The following JARID2 variants were observed in gnomAD, a reference collection of about 807,000 sequenced individuals.
The protein encoded by JARID2 is jumonji and AT-rich interaction domain containing 2.
A neutral mutation model predicts 125.6 loss-of-function variants in JARID2; 21 were observed. The ratio of observed to expected loss-of-function variants is 0.17; its 90% confidence interval spans 0.12 to 0.24. The LOEUF (loss-of-function observed/expected upper bound fraction) is 0.24. Ranked by LOEUF, JARID2 falls within the 10% of genes least tolerant of loss-of-function variation. The pLI is 1.00. For synonymous variants in JARID2, 736 were observed against 661.6 expected (o/e 1.11, Z -1.73); for missense variants, 1,303 against 1,639.6 (o/e 0.79, Z 3.55).
chr6:15,392,753 T>TGTAGTGG (rs1328683846), intron 2 of JARID2, among the ~76,000 whole-genome samples: 1 of 151,166 alleles, frequency 6.6e-6, no homozygotes, highest in Non-Finnish European at 1.5e-5. Context: ...GGTGCGGTCT[T>TGTAGTGG]CGCTCATTGT....
At chr6:15,350,952 G>T (rs970554881) in intron 1 of JARID2, among the ~76,000 whole-genome samples, 1 of 151,614 alleles carries the variant, frequency 6.6e-6, no homozygotes, top group Non-Finnish European at 1.5e-5. Flanking sequence ...AGGGTAGCTG[G>T]AGGCAGGAGA....
At chr6:15,292,022 G>T (rs1389953556) in intron 1 of JARID2, among the ~76,000 whole-genome samples, 1 of 151,994 alleles carries the variant, frequency 6.6e-6, no homozygotes, top group Admixed American at 6.6e-5. Context: ...GTAGGTCTGT[G>T]TGATTAGGCT....
In JARID2 at chr6:15,345,040, T is replaced by A. The variant is rs144320493; in HGVS notation, c.46-29077T>A. The stretch of plus-strand genomic sequence containing the variant: ...CAGTTATCAGTGTAATTTGTTTTTT[T>A]AATGCAGCAGCTGGTTTCTAGGCTT... On this transcript the variant is annotated intron_variant, in intron 1 of 17. Coordinates refer to ENST00000341776, the MANE Select transcript of JARID2 (RefSeq NM_004973.4). Among the ~76,000 whole-genome samples the A allele has an allele frequency of 2.3e-4, 35 of 152,336 alleles. 1 individual carries two copies. The East Asian group carries it at 6.8e-3, about 29-fold the overall frequency.
intron 1 of JARID2, among the ~76,000 whole-genome samples, chr6:15,255,792 C>T (rs1339191395): frequency 6.6e-6 from 1 of 152,136 alleles, no homozygotes; most frequent in Non-Finnish European, 1.5e-5. Flanking sequence ...TGAGTGAATG[C>T]TTATTCTGTT....
chr6:15,366,120 T>G (rs1581462104), intron 1 of JARID2, among the ~76,000 whole-genome samples: 1 of 152,198 alleles, frequency 6.6e-6, no homozygotes, highest in Admixed American at 6.5e-5. Flanking sequence ...CTTTCGTTTT[T>G]CTCTCAAAGT....
chr6:15,447,482 C>T (rs936371906), intron 3 of JARID2, among the ~76,000 whole-genome samples: 7 of 152,210 alleles, frequency 4.6e-5, no homozygotes, highest in Non-Finnish European at 8.8e-5. Flanking sequence ...GGCAGGAAGG[C>T]CCATCCTGAC....
At chr6:15,340,851 T>C (rs1199780748) in intron 1 of JARID2, among the ~76,000 whole-genome samples, 1 of 152,168 alleles carries the variant, frequency 6.6e-6, no homozygotes, top group East Asian at 1.9e-4. Context: ...CTATCTGAAG[T>C]CCTGAAGTCA....
At chr6:15,364,954 A>T (rs991874373) in intron 1 of JARID2, among the ~76,000 whole-genome samples, 1 of 152,204 alleles carries the variant, frequency 6.6e-6, no homozygotes, top group Admixed American at 6.5e-5. Context: ...TGGCTACTGT[A>T]TTAGACGGTG....
At chr6:15,368,322 G>T (rs573410264) in intron 1 of JARID2, among the ~76,000 whole-genome samples, 2 of 152,264 alleles carry the variant, frequency 1.3e-5, no homozygotes, top group African/African-American at 4.8e-5. Flanking sequence ...TGTGCTTTTG[G>T]TTGGATTGGA....
intron 17 of JARID2, among the ~76,000 whole-genome samples, chr6:15,517,582 G>T (rs753335996): frequency 2.0e-5 from 3 of 152,082 alleles, no homozygotes; most frequent in Non-Finnish European, 2.9e-5. Flanking sequence ...CCTTTTTTGT[G>T]ACCTGTCCCA....
chr6:15,336,111 GAAT>G (rs1762869840), intron 1 of JARID2, among the ~76,000 whole-genome samples: 1 of 142,028 alleles, frequency 7.0e-6, no homozygotes. Context: ...ATGAATGAAT[GAAT>G]GAATAAATAA....
At chr6:15,519,359 G>C (rs1234742809) in intron 17 of JARID2, among the ~76,000 whole-genome samples, 2 of 152,172 alleles carry the variant, frequency 1.3e-5, no homozygotes, top group Non-Finnish European at 2.9e-5. Flanking sequence ...GGAGCCAGCT[G>C]TCACTTTCTC....
intron 1 of JARID2, among the ~76,000 whole-genome samples, chr6:15,350,202 A>G (rs1313245175): frequency 1.3e-5 from 2 of 152,226 alleles, no homozygotes. Flanking sequence ...TCACAGAATC[A>G]TGATCAGAAA....
rs1049658796 is a variant in JARID2, at chr6:15,346,897, A to G, written c.46-27220A>G. Among the ~76,000 whole-genome samples the G allele has an allele frequency of 1.5e-4, 23 of 151,724 alleles. 1 individual carries two copies. The highest frequency in any genetic ancestry group is 5.3e-4 in the African/African-American group (22 of 41,350). On this transcript the variant is annotated intron_variant, in intron 1 of 17. Transcript: ENST00000341776. ...AATACAGGTGCTTGCCACCACACCC[A>G]TCTAATTTTTGTATTTTTAGTAGAG... is the stretch of plus-strand genomic sequence containing the variant.
At chr6:15,423,637 A>G (rs996566023) in intron 3 of JARID2, among the ~76,000 whole-genome samples, 2 of 152,180 alleles carry the variant, frequency 1.3e-5, no homozygotes, top group African/African-American at 4.8e-5. Context: ...TACCTAGATC[A>G]GGATAATTAA....
At chr6:15,282,983 T>A (rs1019191843) in intron 1 of JARID2, among the ~76,000 whole-genome samples, 1 of 151,846 alleles carries the variant, frequency 6.6e-6, no homozygotes, top group Admixed American at 6.6e-5. Context: ...TTTTTTATTT[T>A]TTTTATTTTT....
chr6:15,352,835 C>T (rs1247396167), intron 1 of JARID2, among the ~76,000 whole-genome samples: 1 of 152,186 alleles, frequency 6.6e-6, no homozygotes, highest in East Asian at 1.9e-4. Flanking sequence ...TAGCATAGCG[C>T]CACGAGGTTA....
chr6:15,322,888 C>A (rs948150248), intron 1 of JARID2, among the ~76,000 whole-genome samples: 1 of 152,152 alleles, frequency 6.6e-6, no homozygotes, highest in African/African-American at 2.4e-5. Flanking sequence ...TTTCCAAATT[C>A]CAGAATATTA....
chr6:15,361,264 A>G (rs1763781880), intron 1 of JARID2, among the ~76,000 whole-genome samples: 1 of 152,158 alleles, frequency 6.6e-6, no homozygotes, highest in Admixed American at 6.5e-5. Context: ...TCTCTTGTAC[A>G]GGTAACTGCC....
Sources: allele counts gnomAD v4.1 joint callset (sites outside exome capture counted in the v4.1 genomes callset), GRCh38; gene constraint gnomAD v4.1.1; transcripts MANE v1.5; gene names NCBI Gene and HGNC (gene_info 2026-07-23, HGNC 2026-07-21).